The following SNTG1 variants were observed in gnomAD, a reference collection of about 807,000 sequenced individuals.
SNTG1 encodes the protein syntrophin gamma 1, also known as gamma-1-syntrophin.
SNTG1 carries 39 observed loss-of-function variants against 74.7 expected under a neutral mutation model. That is an observed-to-expected ratio of 0.52 (90% CI 0.40 to 0.68). The LOEUF is 0.68. Ranked by LOEUF, SNTG1 falls within the 30% of genes least tolerant of loss-of-function variation. The probability of loss-of-function intolerance (pLI) is 0.00; values close to 1 mark genes in which losing one functional copy is unlikely to be tolerated. For synonymous variants in SNTG1, 254 were observed against 217.1 expected, an observed-to-expected ratio of 1.17 and a Z score of -1.49; for missense variants, 685 against 609.5, an observed-to-expected ratio of 1.12 and a Z score of -1.30.
chr8:50,591,186 T>G (rs985671814), intron 13 of SNTG1, among the ~76,000 whole-genome samples: 1 of 152,150 alleles, frequency 6.6e-6, no homozygotes, highest in Non-Finnish European at 1.5e-5. Flanking sequence ...GTTGAAGAAC[T>G]TAGAGTTTTA....
intron 1 of SNTG1, among the ~76,000 whole-genome samples, chr8:50,095,533 A>G (rs1034028748): frequency 6.6e-6 from 1 of 152,196 alleles, no homozygotes; most frequent in Admixed American, 6.5e-5. Context: ...AGATTTTTAT[A>G]CAAGCACATT....
chr8:49,925,019 G>A (rs1460611760), intron 1 of SNTG1, among the ~76,000 whole-genome samples: 5 of 152,084 alleles, frequency 3.3e-5, no homozygotes, highest in Admixed American at 6.6e-5. Flanking sequence ...CGGATGTGGT[G>A]GTGTGTGCTG....
At chr8:50,003,577 T>G (rs2130476828) in intron 1 of SNTG1, among the ~76,000 whole-genome samples, 1 of 152,332 alleles carries the variant, frequency 6.6e-6, no homozygotes, top group East Asian at 1.9e-4. Context: ...TTTGTCTTAC[T>G]TTAATTAAAA....
intron 1 of SNTG1, among the ~76,000 whole-genome samples, chr8:50,156,469 A>G (rs547259658): frequency 4.3e-4 from 65 of 152,232 alleles, no homozygotes; most frequent in Admixed American, 3.7e-3. Flanking sequence ...ATCTAAGATT[A>G]CTTCAAAATA....
intron 2 of SNTG1, among the ~76,000 whole-genome samples, chr8:50,230,597 T>C (rs774091607): frequency 6.6e-5 from 10 of 151,356 alleles, no homozygotes; most frequent in Admixed American, 5.3e-4. Context: ...TAGGACAAGA[T>C]CGTTTCATTT....
intron 1 of SNTG1, among the ~76,000 whole-genome samples, chr8:50,155,639 A>G (rs1036389364): frequency 6.6e-6 from 1 of 152,058 alleles, no homozygotes; most frequent in Non-Finnish European, 1.5e-5. Context: ...GATAATTTAA[A>G]GATAATAAAC....
At chr8:50,409,641 C>A (rs549841204) in intron 4 of SNTG1, among the ~76,000 whole-genome samples, 32 of 152,240 alleles carry the variant, frequency 2.1e-4, no homozygotes, top group Admixed American at 3.9e-4. Context: ...ACATTCAGTT[C>A]CTGTCATCCT....
chr8:50,294,182 T>C (rs1432287065), intron 2 of SNTG1, among the ~76,000 whole-genome samples: 1 of 152,178 alleles, frequency 6.6e-6, no homozygotes, highest in African/African-American at 2.4e-5. Flanking sequence ...CCTAATATTA[T>C]TACACTTAAG....
chr8:50,473,588 G>A lies in SNTG1; in HGVS notation c.363+22859G>A, dbSNP rs527586514. Reference sequence around the variant, plus strand: ...TGGGTTTATATTCAAAAGAATTGACGGCAGTTGTGAAGAGATGCTTGCAAT... The same window carrying A: ...TGGGTTTATATTCAAAAGAATTGACAGCAGTTGTGAAGAGATGCTTGCAAT... On this transcript the variant is annotated intron_variant, in intron 8 of 18. Coordinates refer to ENST00000642720, the MANE Select transcript of SNTG1 (RefSeq NM_018967.5). Among the ~76,000 whole-genome samples the A allele has an allele frequency of 4.6e-5, 7 of 152,216 alleles. No homozygotes were observed. In the South Asian group the frequency reaches 6.2e-4, roughly 14 times the overall value.
At chr8:50,157,094 C>T (rs1261643359) in intron 1 of SNTG1, among the ~76,000 whole-genome samples, 1 of 152,044 alleles carries the variant, frequency 6.6e-6, no homozygotes, top group East Asian at 1.9e-4. Flanking sequence ...GAATGGAATA[C>T]TGATAGATGC....
chr8:50,486,815 A>G (rs2093799330), intron 8 of SNTG1, among the ~76,000 whole-genome samples: 2 of 151,822 alleles, frequency 1.3e-5, no homozygotes, highest in South Asian at 4.2e-4. Context: ...ATTATTTTGA[A>G]ATATGTCCCA....
At chr8:50,151,019 C>T (rs894224718) in intron 1 of SNTG1, among the ~76,000 whole-genome samples, 7 of 152,100 alleles carry the variant, frequency 4.6e-5, no homozygotes, top group South Asian at 2.1e-4. Context: ...TGGTAGAATT[C>T]GGCTGTGAAT....
intron 12 of SNTG1, among the ~76,000 whole-genome samples, chr8:50,586,864 TTAAAC>T (rs1440416821): frequency 2.0e-5 from 3 of 152,004 alleles, no homozygotes; most frequent in African/African-American, 2.4e-5. Flanking sequence ...AAAGTAAAGA[TTAAAC>T]TAATTTTATT....
At chr8:50,013,021 A>C (rs2385698) in intron 1 of SNTG1, among the ~76,000 whole-genome samples, 124,150 of 152,060 alleles carry the variant, frequency 0.82, 50,870 homozygotes, top group East Asian at 0.95. Flanking sequence ...GTTGGTGAAA[A>C]CTAGAAAGAG....
chr8:50,136,560 A>G (rs2081482041), intron 1 of SNTG1, among the ~76,000 whole-genome samples: 1 of 152,174 alleles, frequency 6.6e-6, no homozygotes, highest in African/African-American at 2.4e-5. Context: ...TAAAGGGCAC[A>G]GACTCCTTTT....
intron 13 of SNTG1, among the ~76,000 whole-genome samples, chr8:50,628,340 G>C (rs761483603): frequency 1.5e-4 from 23 of 152,042 alleles, no homozygotes; most frequent in Non-Finnish European, 2.8e-4. Context: ...CTTGAAACAA[G>C]ATGTGTTCAT....
chr8:49,971,750 G>C (rs1438261635), intron 1 of SNTG1, among the ~76,000 whole-genome samples: 9 of 152,106 alleles, frequency 5.9e-5, no homozygotes, highest in Non-Finnish European at 1.2e-4. Flanking sequence ...AATCATGAGT[G>C]AACTCCCATT....
At chr8:50,378,368 T>G (rs575550817) in intron 2 of SNTG1, among the ~76,000 whole-genome samples, 1 of 152,184 alleles carries the variant, frequency 6.6e-6, no homozygotes, top group East Asian at 1.9e-4. Flanking sequence ...TTCACAGATC[T>G]GGGAATACTG....
At chr8:50,307,282 C>A (rs942507358) in intron 2 of SNTG1, among the ~76,000 whole-genome samples, 1 of 151,970 alleles carries the variant, frequency 6.6e-6, no homozygotes, top group South Asian at 2.1e-4. Flanking sequence ...CCAATTTTAG[C>A]TACTGCCATT....
Sources: allele counts gnomAD v4.1 joint callset (sites outside exome capture counted in the v4.1 genomes callset), GRCh38; gene constraint gnomAD v4.1.1; transcripts MANE v1.5; gene names NCBI Gene and HGNC (gene_info 2026-07-23, HGNC 2026-07-21).